CAMTA1: variants seen among roughly 807,000 people sequenced by gnomAD.
CAMTA1 encodes calmodulin-binding transcription activator 1.
Under a neutral mutation model 170.9 loss-of-function variants are expected in CAMTA1, and 27 were observed. The observed-to-expected ratio is 0.16, with a 90% CI of 0.12 to 0.22. CAMTA1 has a LOEUF of 0.22. Among genes scored for constraint, CAMTA1 ranks in the 10% least tolerant of loss-of-function variants. The pLI is 1.00. For missense variants in CAMTA1, 1,619 were observed against 2,217.2 expected, an observed-to-expected ratio of 0.73 and a Z score of 5.42; for synonymous variants, 833 against 891.5, an observed-to-expected ratio of 0.93 and a Z score of 1.17.
At chr1:7,754,085 A>G (rs2096915640) in intron 21 of CAMTA1, among the ~76,000 whole-genome samples, 1 of 152,200 alleles carries the variant, frequency 6.6e-6, no homozygotes, top group Non-Finnish European at 1.5e-5. Context: ...CCTTTTCCTT[A>G]CATTCTCCAA....
chr1:7,023,550 CAAGAAAT>C (rs1442779515), intron 3 of CAMTA1, among the ~76,000 whole-genome samples: 3 of 151,790 alleles, frequency 2.0e-5, no homozygotes, highest in Admixed American at 2.0e-4. Flanking sequence ...TTTGAAGAGA[CAAGAAAT>C]AAAATCCATA....
chr1:7,463,278 G>A lies in CAMTA1; in HGVS notation c.439-4552G>A, dbSNP rs1432970220. ...CAGGGCATGGGAGGTGGAAGGAAAG[G>A]GATGGAGGGTGTGTGTGTGTCAGAC... On this transcript the variant is annotated intron_variant, in intron 5 of 22. Coordinates refer to ENST00000303635, the MANE Select transcript of CAMTA1 (RefSeq NM_015215.4). The surrounding 1 kb of genome is among the most constrained non-coding windows in gnomAD (Gnocchi z 4.7). Among the ~76,000 whole-genome samples, 2 of 152,184 alleles carry A rather than the reference G, an allele frequency of 1.3e-5. No homozygotes were observed. Among genetic ancestry groups the A allele is most frequent in the African/African-American group, 4.8e-5 (2 of 41,442 alleles).
At chr1:7,283,067 G>T (rs1054385919) in intron 5 of CAMTA1, among the ~76,000 whole-genome samples, 6 of 152,092 alleles carry the variant, frequency 3.9e-5, no homozygotes, top group African/African-American at 1.4e-4. Context: ...ATGGTACTCT[G>T]CAAACATTTG....
intron 4 of CAMTA1, among the ~76,000 whole-genome samples, chr1:7,107,426 G>A (rs922420716): frequency 1.3e-5 from 2 of 152,118 alleles, no homozygotes; most frequent in Admixed American, 1.3e-4. Flanking sequence ...TCAGAAAACC[G>A]TGAACTTTGG....
intron 3 of CAMTA1, among the ~76,000 whole-genome samples, chr1:6,987,212 G>A (rs925333245): frequency 3.3e-5 from 5 of 151,644 alleles, no homozygotes; most frequent in Non-Finnish European, 5.9e-5. Context: ...ACCCAGGCTG[G>A]AGTGCAGTGG....
At position 7,010,478 on chromosome 1, in the gene CAMTA1, G is replaced by A. The variant is rs746406037; in HGVS notation, c.235-80826G>A. ...GAGACGCTTTCTGAACACAGTCTGCGTCCTTCCTTATTTTTTGTTATCTTG... is the reference window on the plus strand; with the variant it reads ...GAGACGCTTTCTGAACACAGTCTGCATCCTTCCTTATTTTTTGTTATCTTG... On this transcript the variant is annotated intron_variant, in intron 3 of 22. Transcript: ENST00000303635. The surrounding 1 kb of genome is among the most constrained non-coding windows in gnomAD (Gnocchi z 4.4). Among the ~76,000 whole-genome samples, 19 of 152,310 alleles carry A rather than the reference G, an allele frequency of 1.2e-4. No individual in the cohort carries two copies. Among genetic ancestry groups the A allele is most frequent in the East Asian group, 1.2e-3 (6 of 5,180 alleles).
chr1:6,849,149 T>C (rs1366279743), intron 3 of CAMTA1, among the ~76,000 whole-genome samples: 1 of 152,154 alleles, frequency 6.6e-6, no homozygotes, highest in African/African-American at 2.4e-5. Context: ...CCTTTCACGG[T>C]GAAGGAGAGG....
chr1:7,752,599 C>A, intron 21 of CAMTA1, 66 bp downstream of exon 21: 1 of 1,219,788 alleles, frequency 8.2e-7, no homozygotes, highest in Non-Finnish European at 1.2e-6. Context: ...ACCTTCTTAA[C>A]CCTCACTAAC....
In CAMTA1 at chr1:6,982,757, C is replaced by T. The variant is rs576361131; in HGVS notation, c.235-108547C>T. Among the ~76,000 whole-genome samples, 24 of 152,182 alleles carry T rather than the reference C, an allele frequency of 1.6e-4. No homozygotes were observed. The South Asian group carries it at 5.0e-3, about 32-fold the overall frequency. On this transcript the variant is annotated intron_variant, in intron 3 of 22. Transcript: ENST00000303635. ...GCCTCCCCCTTCACTCCACAGGGAT[C>T]CTCGCTCAGCCCTCTGTGCGTAGTG...
At chr1:7,276,293 A>ATTTTTTTTTTTTTTT (rs1372402055) in intron 5 of CAMTA1, among the ~76,000 whole-genome samples, 1 of 22,058 alleles carries the variant, frequency 4.5e-5, no homozygotes, top group Admixed American at 4.0e-4. Context: ...ATATATATAT[A>ATTTTTTTTTTTTTTT]TATATATATA....
intron 6 of CAMTA1, among the ~76,000 whole-genome samples, chr1:7,487,297 A>T (rs947175057): frequency 6.6e-6 from 1 of 152,140 alleles, no homozygotes; most frequent in Non-Finnish European, 1.5e-5. Context: ...TTGGGGTAAG[A>T]AACCTTTACT....
intron 7 of CAMTA1, among the ~76,000 whole-genome samples, chr1:7,648,272 A>T (rs1226611875): frequency 6.6e-6 from 1 of 151,944 alleles, no homozygotes; most frequent in Non-Finnish European, 1.5e-5. Context: ...GGTGCCTGTA[A>T]TCACAACTAC....
At position 7,666,606 on chromosome 1, in the gene CAMTA1, T is replaced by C. The variant is rs1053320215; in HGVS notation, c.2652+1407T>C. Among the ~76,000 whole-genome samples the C allele has an allele frequency of 7.2e-5, 11 of 152,186 alleles. No homozygotes were observed. The East Asian group carries it at 2.1e-3, about 29-fold the overall frequency. On this transcript the variant is annotated intron_variant, in intron 9 of 22. Coordinates refer to ENST00000303635, the MANE Select transcript of CAMTA1 (RefSeq NM_015215.4). ...TGCATCCTGACCTCTACCCAGCCCA[T>C]CTGGGTGCTCAGGGACCAGCACATG...
intron 3 of CAMTA1, among the ~76,000 whole-genome samples, chr1:7,045,221 G>A (rs952718096): frequency 2.6e-5 from 4 of 152,084 alleles, no homozygotes; most frequent in Non-Finnish European, 4.4e-5. Context: ...TAACTTGGTG[G>A]TGGTCACCCA....
intron 1 of CAMTA1, among the ~76,000 whole-genome samples, chr1:6,789,874 G>A (rs1248698195): frequency 7.2e-6 from 1 of 138,756 alleles, no homozygotes. Flanking sequence ...GCAGTGGCAC[G>A]ATCTCGGTTC....
At chr1:6,820,861 A>T (rs1179081840) in intron 2 of CAMTA1, among the ~76,000 whole-genome samples, 3 of 152,224 alleles carry the variant, frequency 2.0e-5, no homozygotes, top group East Asian at 3.8e-4. Context: ...AATGAAGTAG[A>T]GGAGGAGAGA....
At chr1:7,271,828 T>C (rs1242367922) in intron 5 of CAMTA1, among the ~76,000 whole-genome samples, 5 of 152,014 alleles carry the variant, frequency 3.3e-5, no homozygotes. Context: ...ATAAAAAGAA[T>C]ACTATGAACA....
chr1:7,520,790 AT>A (rs2094355524), intron 6 of CAMTA1, among the ~76,000 whole-genome samples: 1 of 152,138 alleles, frequency 6.6e-6, no homozygotes, highest in South Asian at 2.1e-4. Flanking sequence ...GGATGTTGGT[AT>A]TGGCTTCTTC....
chr1:7,106,195 A>G (rs958555780), intron 4 of CAMTA1, among the ~76,000 whole-genome samples: 2 of 152,038 alleles, frequency 1.3e-5, no homozygotes, highest in African/African-American at 4.8e-5. Flanking sequence ...TGGGATCTCA[A>G]TCCTTTTAAC....
Sources: gnomAD v4.1 joint callset for allele counts (sites outside exome capture counted in the v4.1 genomes callset) on GRCh38, gnomAD v4.1.1 for gene constraint, Gnocchi (gnomAD v3.1) non-coding constraint, MANE v1.5 for transcripts, NCBI Gene and HGNC (gene_info 2026-07-23, HGNC 2026-07-21) for gene names.